The following NR3C2 variants were observed in gnomAD, a reference collection of about 807,000 sequenced individuals.
NR3C2 encodes the protein nuclear receptor subfamily 3 group C member 2, also known as mineralocorticoid receptor.
A neutral mutation model predicts 86.4 loss-of-function variants in NR3C2; 15 were observed. The ratio of observed to expected loss-of-function variants is 0.17; its 90% CI spans 0.12 to 0.27. The LOEUF (loss-of-function observed/expected upper bound fraction) is 0.27, where lower values mean the gene tolerates loss of function less well. Among genes scored for constraint, NR3C2 ranks in the 10% least tolerant of loss-of-function variants. NR3C2 has a pLI of 1.00. For synonymous variants in NR3C2, 458 were observed against 450.5 expected (o/e 1.02, Z -0.21); for missense variants, 960 against 1,195.6 (o/e 0.80, Z 2.91).
At chr4:148,357,392 G>A (rs1172390066) in intron 2 of NR3C2, among the ~76,000 whole-genome samples, 3 of 152,020 alleles carry the variant, frequency 2.0e-5, no homozygotes, top group Non-Finnish European at 4.4e-5. Context: ...ATCATCCTCT[G>A]TAGTCAGAGA....
chr4:148,293,775 G>C (rs980927327), intron 2 of NR3C2, among the ~76,000 whole-genome samples: 1 of 152,110 alleles, frequency 6.6e-6, no homozygotes, highest in Non-Finnish European at 1.5e-5. Context: ...AGGTCAGTTT[G>C]GTAAGCAACA....
At chr4:148,171,241 G>T (rs72653840) in intron 4 of NR3C2, among the ~76,000 whole-genome samples, 7 of 152,140 alleles carry the variant, frequency 4.6e-5, no homozygotes, top group African/African-American at 1.7e-4. Context: ...TCTCATCTTT[G>T]AAAGTTGCAC....
chr4:148,388,860 A>G (rs993448934), intron 2 of NR3C2, among the ~76,000 whole-genome samples: 3 of 152,140 alleles, frequency 2.0e-5, no homozygotes, highest in Admixed American at 6.5e-5. Flanking sequence ...AGATCAGCCA[A>G]CCTCACTTAA....
At chr4:148,131,505 A>AT (rs377293402) in intron 6 of NR3C2, among the ~76,000 whole-genome samples, 2 of 152,178 alleles carry the variant, frequency 1.3e-5, no homozygotes, top group African/African-American at 4.8e-5. Context: ...TTTACTGTTA[A>AT]TTTTTTTCAT....
intron 3 of NR3C2, among the ~76,000 whole-genome samples, chr4:148,215,945 A>AT (rs540717776): frequency 1.0e-3 from 157 of 151,262 alleles, no homozygotes; most frequent in South Asian, 0.01. Flanking sequence ...ACGCCTAGCT[A>AT]TTTTTTTTGT....
At chr4:148,152,694 A>C (rs1021543125) in intron 5 of NR3C2, 81 bp from the exon 6 acceptor site, 29 of 1,355,272 alleles carry the variant, frequency 2.1e-5, no homozygotes, top group Non-Finnish European at 2.9e-5. Context: ...AGTCAACCCC[A>C]AACAGCCACC....
At chr4:148,432,769 TA>T (rs1168466786) in intron 2 of NR3C2, among the ~76,000 whole-genome samples, 2 of 152,288 alleles carry the variant, frequency 1.3e-5, no homozygotes, top group Non-Finnish European at 2.9e-5. Flanking sequence ...TGGACAAGGT[TA>T]AATTAAATAT....
chr4:148,356,858 T>C (rs925306761), intron 2 of NR3C2, among the ~76,000 whole-genome samples: 1 of 152,080 alleles, frequency 6.6e-6, no homozygotes, highest in African/African-American at 2.4e-5. Flanking sequence ...TTCTCACATA[T>C]GCTTATATTT....
intron 8 of NR3C2, among the ~76,000 whole-genome samples, chr4:148,086,151 C>T (rs1264213924): frequency 6.6e-6 from 1 of 152,282 alleles, no homozygotes; most frequent in East Asian, 1.9e-4. Context: ...GTCCTGATAC[C>T]CAAACCTTGC....
chr4:148,322,605 C>A (rs1440858060), intron 2 of NR3C2, among the ~76,000 whole-genome samples: 1 of 64,644 alleles, frequency 1.5e-5, no homozygotes, highest in South Asian at 7.1e-4. Flanking sequence ...TCTAAACTTC[C>A]CTTCTCGCTT....
intron 2 of NR3C2, chr4:148,368,456 T>C (rs1377959481): frequency 6.6e-6 from 1 of 152,176 alleles, no homozygotes; most frequent in African/African-American, 2.4e-5. Flanking sequence ...ACCCTGTCTC[T>C]GCTATTGTTA....
At chr4:148,198,974 GGAGGCT>G (rs542805878) in intron 3 of NR3C2, among the ~76,000 whole-genome samples, 290 of 151,566 alleles carry the variant, frequency 1.9e-3, no homozygotes, top group African/African-American at 6.6e-3. Context: ...CAGCTACTTG[GGAGGCT>G]GAGGCTGAGG....
intron 2 of NR3C2, among the ~76,000 whole-genome samples, chr4:148,374,955 T>C (rs1448473958): frequency 1.3e-5 from 2 of 152,222 alleles, no homozygotes; most frequent in African/African-American, 4.8e-5. Context: ...TAGTGAGATT[T>C]CCTTCTTAAA....
chr4:148,287,383 T>G (rs1741578878), intron 2 of NR3C2, among the ~76,000 whole-genome samples: 1 of 152,180 alleles, frequency 6.6e-6, no homozygotes, highest in Admixed American at 6.5e-5. Flanking sequence ...ACAATTTCAC[T>G]GATCATCATC....
At chr4:148,255,542 C>T (rs1400807579) in intron 3 of NR3C2, among the ~76,000 whole-genome samples, 1 of 152,180 alleles carries the variant, frequency 6.6e-6, no homozygotes, top group Non-Finnish European at 1.5e-5. Flanking sequence ...GCTGACCTTA[C>T]CAAAATATGG....
At chr4:148,133,601 T>C (rs1733137139) in intron 6 of NR3C2, among the ~76,000 whole-genome samples, 1 of 152,246 alleles carries the variant, frequency 6.6e-6, no homozygotes, top group East Asian at 1.9e-4. Flanking sequence ...AAGATTTGTA[T>C]TAACCAACAA....
chr4:148,434,984 T>C, intron 2 of NR3C2, 120 bp downstream of exon 2: 5 of 970,860 alleles, frequency 5.2e-6, no homozygotes, highest in African/African-American at 1.6e-5. Context: ...TGGAGCAACA[T>C]ATGACCATCC....
chr4:148,227,737 C>A (rs1738248822), intron 3 of NR3C2, among the ~76,000 whole-genome samples: 1 of 151,768 alleles, frequency 6.6e-6, no homozygotes, highest in Non-Finnish European at 1.5e-5. Flanking sequence ...ATCTATTCAC[C>A]CTCATTTATT....
intron 3 of NR3C2, among the ~76,000 whole-genome samples, chr4:148,199,010 C>T (rs1272260204): frequency 2.1e-5 from 3 of 144,662 alleles, no homozygotes; most frequent in Non-Finnish European, 4.5e-5. Flanking sequence ...GGCGTGAACC[C>T]GGGAGGCGGA....
Sources: allele counts gnomAD v4.1 joint callset (sites outside exome capture counted in the v4.1 genomes callset), GRCh38; gene constraint gnomAD v4.1.1; transcripts MANE v1.5; gene names NCBI Gene and HGNC (gene_info 2026-07-23, HGNC 2026-07-21).